The following PI4KA variants were observed in gnomAD, a reference collection of about 807,000 sequenced individuals.
The protein encoded by PI4KA is PI4-kinase alpha.
Under a neutral mutation model 271.4 loss-of-function variants are expected in PI4KA, and 122 were observed. That is an observed-to-expected ratio of 0.45 (90% CI 0.39 to 0.52). The LOEUF is 0.52. Ranked by LOEUF, PI4KA falls within the 20% of genes least tolerant of loss-of-function variation. The pLI, the probability that PI4KA is intolerant of heterozygous loss-of-function variation, is 0.00. For synonymous variants in PI4KA, 1,041 were observed against 1,078.8 expected, an observed-to-expected ratio of 0.96 and a Z score of 0.69; for missense variants, 1,969 against 2,769.1, an observed-to-expected ratio of 0.71 and a Z score of 6.48.
chr22:20,781,247 C>T (rs543163798), intron 19 of PI4KA, among the ~76,000 whole-genome samples: 2 of 152,190 alleles, frequency 1.3e-5, no homozygotes, highest in African/African-American at 4.8e-5. Context: ...CAAATATCCT[C>T]ACCTGGACCA....
At chr22:20,810,539 A>G (rs1935943309) in intron 9 of PI4KA, among the ~76,000 whole-genome samples, 1 of 151,362 alleles carries the variant, frequency 6.6e-6, no homozygotes, top group Non-Finnish European at 1.5e-5. Context: ...CTAGTTACGC[A>G]CCCCTTACAC....
At chr22:20,848,310 C>T (rs989817821) in intron 1 of PI4KA, among the ~76,000 whole-genome samples, 1 of 151,704 alleles carries the variant, frequency 6.6e-6, no homozygotes, top group Non-Finnish European at 1.5e-5. Context: ...TCAACACCAT[C>T]CCTGTCAAAA....
At position 20,858,624 on chromosome 22, in the gene PI4KA, C is replaced by T. The variant is rs1428572954; in HGVS notation, c.102G>A (p.Thr34=). 4 of 1,487,140 alleles carry T rather than the reference C, an allele frequency of 2.7e-6. No individual in the cohort carries two copies. The highest frequency in any genetic ancestry group is 1.5e-5 in the African/African-American group (1 of 68,832). The allele number at this position is 1,487,140 out of a possible 1,614,324, so 92.1% of individuals were successfully genotyped here. The change falls in exon 1 of 55, where the codon ACG becomes ACA. Residue 34 remains threonine (T), a synonymous_variant. Transcript: ENST00000255882. ...CCAGGGAGCGGGCCAGTGACAGGAC[C>T]GTGTTGAAATAGAAGCCCCGCGAGG... ...SSASRGFYFN[T]VLSLARSLAV...
chr22:20,716,098 T>A (rs1410904885), intron 45 of PI4KA, among the ~76,000 whole-genome samples: 3 of 152,102 alleles, frequency 2.0e-5, no homozygotes, highest in Non-Finnish European at 4.4e-5. Context: ...TCATCCAGGC[T>A]GGAGCGCAGT....
chr22:20,723,267 G>A (rs543481987), intron 42 of PI4KA, among the ~76,000 whole-genome samples: 13 of 151,744 alleles, frequency 8.6e-5, no homozygotes, highest in Non-Finnish European at 1.5e-4. Context: ...TGATCCACCC[G>A]CCTCGGCTTC....
chr22:20,770,534 AG>A (rs1569011571), intron 19 of PI4KA, among the ~76,000 whole-genome samples: 1 of 76,770 alleles, frequency 1.3e-5, no homozygotes, highest in African/African-American at 5.6e-5. Context: ...AAAAAAAAAG[AG>A]AGAGAGAGAG....
At chr22:20,809,461 T>A (rs1935870536) in intron 9 of PI4KA, among the ~76,000 whole-genome samples, 1 of 151,950 alleles carries the variant, frequency 6.6e-6, no homozygotes, top group Non-Finnish European at 1.5e-5. Context: ...AAACTGTTTC[T>A]TCAAATGGAT....
chr22:20,769,112 T>C (rs972526796), intron 19 of PI4KA, among the ~76,000 whole-genome samples: 1 of 152,204 alleles, frequency 6.6e-6, no homozygotes, highest in African/African-American at 2.4e-5. Context: ...TCTAGAATGC[T>C]TCCCTCTCAA....
chr22:20,788,595 C>T (rs186407855), intron 19 of PI4KA, among the ~76,000 whole-genome samples: 119 of 152,380 alleles, frequency 7.8e-4, no homozygotes, highest in African/African-American at 2.8e-3. Flanking sequence ...TGACTTCCCA[C>T]ACTGGGCTCT....
At chr22:20,761,992 C>T (rs926411703) in intron 22 of PI4KA, among the ~76,000 whole-genome samples, 2 of 152,120 alleles carry the variant, frequency 1.3e-5, no homozygotes, top group East Asian at 1.9e-4. Flanking sequence ...AAAAGTGATA[C>T]CTGTATTTTT....
rs560558453 is a variant in PI4KA at position 20,798,426 on chromosome 22, A to G, written c.2108+158T>C. The G allele has an allele frequency of 3.0e-4, 183 of 620,118 alleles. 3 individuals carry two copies. The South Asian group carries it at 3.0e-3, about 10-fold the overall frequency. The allele number at this position is 620,118 out of a possible 1,614,324, so 38.4% of individuals were successfully genotyped here. A position where few individuals can be genotyped will look rare whatever the true frequency, so the allele number is the denominator to read the frequency against. On this transcript the variant is annotated intron_variant, in intron 17 of 54. Transcript: ENST00000255882. The stretch of plus-strand genomic sequence containing the variant: ...CAGTGGTCACCTCCAGGTGGGGGCC[A>G]CATTGGGTTTTCACTTCCCCCCTTA...
intron 32 of PI4KA, among the ~76,000 whole-genome samples, chr22:20,738,062 G>C (rs1027659668): frequency 6.6e-6 from 1 of 152,216 alleles, no homozygotes; most frequent in Non-Finnish European, 1.5e-5. Context: ...AGAAGACCCT[G>C]AGAGGAGGGC....
At chr22:20,722,543 TCCTAA>T (rs1926864221) in intron 42 of PI4KA, among the ~76,000 whole-genome samples, 1 of 152,188 alleles carries the variant, frequency 6.6e-6, no homozygotes, top group South Asian at 2.1e-4. Context: ...GTGGTCACCA[TCCTAA>T]GGACCTATCC....
intron 45 of PI4KA, among the ~76,000 whole-genome samples, chr22:20,716,536 C>T (rs1926025072): frequency 6.6e-6 from 1 of 152,154 alleles, no homozygotes; most frequent in African/African-American, 2.4e-5. Context: ...GGGGGCATGC[C>T]ATCTCCTCCT....
intron 4 of PI4KA, among the ~76,000 whole-genome samples, chr22:20,821,500 G>A (rs575920060): frequency 2.0e-5 from 3 of 152,152 alleles, no homozygotes; most frequent in South Asian, 2.1e-4. Flanking sequence ...GATTATAGGC[G>A]TGAGCCACTG....
At chr22:20,708,588 C>G in intron 54 of PI4KA, among the ~76,000 whole-genome samples, 1 of 131,574 alleles carries the variant, frequency 7.6e-6, no homozygotes, top group South Asian at 2.3e-4. Flanking sequence ...CACGCTCCTC[C>G]GGCAGTTCCC....
chr22:20,819,190 G>A (rs558161810), intron 6 of PI4KA, among the ~76,000 whole-genome samples: 2 of 152,090 alleles, frequency 1.3e-5, no homozygotes, highest in East Asian at 3.8e-4. Context: ...CAGTTTAAAT[G>A]AATTTTTTTT....
Position 20,816,749 on chromosome 22 carries a change from G to A in PI4KA, c.856+1734C>T, listed in dbSNP as rs116202285. On this transcript the variant is annotated intron_variant, in intron 7 of 54. Coordinates refer to ENST00000255882, the MANE Select transcript of PI4KA (RefSeq NM_058004.4). ...TCAGAGAGCAGGGCTCGCTTGTCTC[G>A]TCACCACTACAGGCAAAGTGGGCGG... Among the ~76,000 whole-genome samples the A allele has an allele frequency of 6.5e-3, 995 of 152,322 alleles. 14 individuals are homozygous for A. The highest frequency in any genetic ancestry group is 0.023 in the African/African-American group (945 of 41,556).
chr22:20,817,867 G>T (rs755752169), intron 7 of PI4KA, among the ~76,000 whole-genome samples: 2 of 147,222 alleles, frequency 1.4e-5, no homozygotes, highest in African/African-American at 2.5e-5. Flanking sequence ...GCTCATGCAT[G>T]TAATCCTAGC....
Sources: gnomAD v4.1 joint callset for allele counts (sites outside exome capture counted in the v4.1 genomes callset) on GRCh38, gnomAD v4.1.1 for gene constraint, MANE v1.5 for transcripts, NCBI Gene and HGNC (gene_info 2026-07-23, HGNC 2026-07-21) for gene names.